The following DNAH2 variants were observed in gnomAD, a reference collection of about 807,000 sequenced individuals.
DNAH2 encodes the protein axonemal beta dynein heavy chain 2.
A neutral mutation model predicts 523.5 loss-of-function variants in DNAH2; 323 were observed. That is an observed-to-expected ratio of 0.62 (90% CI 0.56 to 0.68). The LOEUF (loss-of-function observed/expected upper bound fraction) is 0.68. DNAH2 is among the 30% of genes least tolerant of loss of function. The pLI is 0.00. For synonymous variants in DNAH2, 2,093 were observed against 2,177.4 expected (o/e 0.96, Z 1.08); for missense variants, 4,907 against 5,701.5 (o/e 0.86, Z 4.49).
rs1350747610 is a variant in DNAH2 at position 7,833,009 on chromosome 17, A to G, written c.12979-62A>G. ...GACGAAAAGGGAGGAGAGAGGGAGC[A>G]GGTCAGGGGCGCTGGCAATTGAAGT... On this transcript the variant is annotated intron_variant, in intron 84 of 85. Coordinates refer to ENST00000572933, the MANE Select transcript of DNAH2 (RefSeq NM_020877.5). 6 of 1,612,870 alleles carry G rather than the reference A, an allele frequency of 3.7e-6. No homozygotes were observed. The Admixed American group carries it at 1.0e-4, about 27-fold the overall frequency.
intron 64 of DNAH2, 80 bp downstream of exon 64, chr17:7,816,815 C>A: frequency 1.3e-6 from 2 of 1,545,700 alleles, no homozygotes; most frequent in African/African-American, 1.4e-5. Flanking sequence ...GCTTGAGGAG[C>A]AGTCAGGGAA....
chr17:7,747,990 C>T (rs1356299476), intron 12 of DNAH2, among the ~76,000 whole-genome samples: 1 of 152,218 alleles, frequency 6.6e-6, no homozygotes, highest in African/African-American at 2.4e-5. Flanking sequence ...CAGTTAAGAT[C>T]TTGAAATAAG....
At position 7,780,564 on chromosome 17, in the gene DNAH2, T is replaced by C; in HGVS notation, c.5851-66T>C. On this transcript the variant is annotated intron_variant, in intron 37 of 85. Transcript: ENST00000572933. The surrounding 1 kb of genome is among the most constrained non-coding windows in gnomAD (Gnocchi z 4.4). Reference sequence around the variant, plus strand: ...GGACCTGGCTTCTTGTCTCTGACTGTCCTGAGATGAAGCAGAGGGATTTGT... The same window carrying C: ...GGACCTGGCTTCTTGTCTCTGACTGCCCTGAGATGAAGCAGAGGGATTTGT... The C allele has an allele frequency of 6.3e-7, 1 of 1,597,668 alleles. No homozygotes were observed. The highest frequency in any genetic ancestry group is 8.5e-7 in the Non-Finnish European group (1 of 1,171,432).
intron 75 of DNAH2, 47 bp downstream of exon 75, chr17:7,824,029 G>A: frequency 1.3e-6 from 2 of 1,595,010 alleles, no homozygotes; most frequent in Middle Eastern, 1.7e-4. Context: ...GGTCTTTCCT[G>A]CCTCCCTCGC....
In DNAH2 at chr17:7,739,882, C is replaced by T. The variant is rs148266988; in HGVS notation, c.1320C>T (p.Ala440=). ...ATAAAAATCTGCACACGCTGCGAGCCGTTCGCGGGGGTATCCTGGATGTCA... is the reference window on the plus strand; with the variant it reads ...ATAAAAATCTGCACACGCTGCGAGCTGTTCGCGGGGGTATCCTGGATGTCA... The part of the protein sequence containing the change: ...IFHKNLHTLR[A]VRGGILDVKN... The change falls in exon 9 of 86, where the codon GCC becomes GCT. Residue 440 remains alanine (A), a synonymous_variant. Coordinates refer to ENST00000572933, the MANE Select transcript of DNAH2 (RefSeq NM_020877.5). 94 of 1,613,958 alleles carry T rather than the reference C, an allele frequency of 5.8e-5. No individual in the cohort carries two copies. The highest frequency in any genetic ancestry group is 8.3e-5 in the Admixed American group (5 of 59,970).
intron 13 of DNAH2, among the ~76,000 whole-genome samples, 164 bp from the exon 14 acceptor site, chr17:7,758,331 C>G (rs765540873): frequency 6.6e-6 from 1 of 152,140 alleles, no homozygotes; most frequent in Non-Finnish European, 1.5e-5. Flanking sequence ...TAAGAGAACA[C>G]TTCCATCATT....
intron 4 of DNAH2, among the ~76,000 whole-genome samples, chr17:7,727,961 C>G (rs1447939722): frequency 6.6e-6 from 1 of 151,764 alleles, no homozygotes; most frequent in East Asian, 1.9e-4. Flanking sequence ...GGGATTCCAT[C>G]AAGACTAGGT....
At chr17:7,808,140 G>T (rs1208884157) in intron 63 of DNAH2, among the ~76,000 whole-genome samples, 2 of 152,174 alleles carry the variant, frequency 1.3e-5, no homozygotes, top group East Asian at 3.9e-4. Context: ...GGAGGCCGAG[G>T]TAGGTGGACC....
rs2078229518 is a variant in DNAH2 at position 7,832,996 on chromosome 17, GGA to G, written c.12979-69_12979-68del. ...CTGGAAATAATTGGACGAAAAGGGA[GGA>G]GAGAGGGAGCAGGTCAGGGGCGCTG... On this transcript the variant is annotated intron_variant, in intron 84 of 85. Coordinates refer to ENST00000572933, the MANE Select transcript of DNAH2 (RefSeq NM_020877.5). This position sits in a 1 kb window ranked among gnomAD's most constrained non-coding sequence, Gnocchi z 4.3. The G allele has an allele frequency of 3.1e-6, 5 of 1,613,548 alleles. No individual in the cohort carries two copies. The highest frequency in any genetic ancestry group is 1.1e-5 in the South Asian group (1 of 91,076).
chr17:7,753,076 C>A (rs771510627), intron 12 of DNAH2, among the ~76,000 whole-genome samples: 1 of 152,168 alleles, frequency 6.6e-6, no homozygotes, highest in Non-Finnish European at 1.5e-5. Flanking sequence ...CACACTTGAG[C>A]CACACTTGCC....
intron 64 of DNAH2, 33 bp downstream of exon 64, chr17:7,816,768 A>G: frequency 6.2e-7 from 1 of 1,605,646 alleles, no homozygotes; most frequent in South Asian, 1.1e-5. Context: ...GTGTCCTTTC[A>G]CTCTGCTCGC....
In DNAH2 at chr17:7,821,766, C is replaced by T. The variant is rs2077861148; in HGVS notation, c.11142+397C>T. The stretch of plus-strand genomic sequence containing the variant: ...CTACCGCTCTGGCTAGATCCAGCTC[C>T]TCTTCCCCTCTGTCCCTGCGCGGCC... On this transcript the variant is annotated intron_variant, in intron 73 of 85. Coordinates refer to ENST00000572933, the MANE Select transcript of DNAH2 (RefSeq NM_020877.5). The surrounding 1 kb of genome is among the most constrained non-coding windows in gnomAD (Gnocchi z 5.0). 6.6e-6 allele frequency among the ~76,000 whole-genome samples: 1 copy of T among 152,174 alleles called. No homozygotes were observed. The highest frequency in any genetic ancestry group is 2.1e-4 in the South Asian group (1 of 4,836).
At chr17:7,743,253 C>T (rs2075407895) in intron 12 of DNAH2, 111 bp downstream of exon 12, 2 of 1,164,632 alleles carry the variant, frequency 1.7e-6, no homozygotes, top group Non-Finnish European at 2.5e-6. Context: ...CTTTCTCATA[C>T]AATATGTTTG....
chr17:7,746,993 T>TAAAAAAAA (rs768828946), intron 12 of DNAH2, among the ~76,000 whole-genome samples: 1 of 100,396 alleles, frequency 1.0e-5, no homozygotes. Context: ...ATCTCAAAAT[T>TAAAAAAAA]AAAAAAAAAA....
At chr17:7,755,761 C>T (rs2075818320) in intron 12 of DNAH2, among the ~76,000 whole-genome samples, 2 of 151,132 alleles carry the variant, frequency 1.3e-5, no homozygotes, top group African/African-American at 4.9e-5. Context: ...TGGCAAAGGA[C>T]ACTTAAGATG....
At chr17:7,742,008 G>A (rs12938680) in intron 11 of DNAH2, among the ~76,000 whole-genome samples, 69,726 of 151,866 alleles carry the variant, frequency 0.46, 16,272 homozygotes, top group East Asian at 0.64. Flanking sequence ...GAATAGGGCC[G>A]GTATCTGGGG....
chr17:7,786,001 C>T lies in DNAH2; in HGVS notation c.6130-123C>T. 1.0e-6 allele frequency: 1 copy of T among 974,608 alleles called. No homozygotes were observed. The highest frequency in any genetic ancestry group is 1.6e-5 in the African/African-American group (1 of 62,026). 60.4% of individuals were successfully genotyped at this position (974,608 alleles called of 1,614,324 possible). ...CCAATGAGTGAACAGAGCCGGAGTG[C>T]AGAGGGCCCTGGTGCCATTTTTAAC... is the stretch of plus-strand genomic sequence containing the variant. On this transcript the variant is annotated intron_variant, in intron 39 of 85. Coordinates refer to ENST00000572933, the MANE Select transcript of DNAH2 (RefSeq NM_020877.5). The surrounding 1 kb of genome is among the most constrained non-coding windows in gnomAD (Gnocchi z 7.5).
rs2074844075 is a variant in DNAH2 at position 7,727,219 on chromosome 17, C to T, written c.326C>T (p.Pro109Leu). 3 of 1,611,284 alleles carry T rather than the reference C, an allele frequency of 1.9e-6. No homozygotes were observed. The highest frequency in any genetic ancestry group is 2.2e-5 in the South Asian group (2 of 90,500). Residue 109 changes from proline to leucine, a missense_variant, in exon 4 of 86, where the codon CCT (proline) becomes CTT (leucine). Transcript: ENST00000572933. ...ATTCTGGAACACTTTGCCCAGGACCCTACAGAATCCATCCTCACCATCTTC... is the reference window on the plus strand; with the variant it reads ...ATTCTGGAACACTTTGCCCAGGACCTTACAGAATCCATCCTCACCATCTTC... ...DAILEHFAQD[P>L]TESILTIFID...
intron 36 of DNAH2, 36 bp downstream of exon 36, chr17:7,779,459 G>C: frequency 6.3e-7 from 1 of 1,598,228 alleles, no homozygotes; most frequent in Non-Finnish European, 8.5e-7. Flanking sequence ...TCCTGGGGTG[G>C]GAAGAACTGG....
Sources: gnomAD v4.1 joint callset for allele counts (sites outside exome capture counted in the v4.1 genomes callset) on GRCh38, gnomAD v4.1.1 for gene constraint, Gnocchi (gnomAD v3.1) non-coding constraint, MANE v1.5 for transcripts, NCBI Gene and HGNC (gene_info 2026-07-23, HGNC 2026-07-21) for gene names.